ZBED3: variants seen among roughly 807,000 people sequenced by gnomAD.
ZBED3 encodes zinc finger BED domain-containing protein 3.
For synonymous variants in ZBED3, 175 were observed against 180.0 expected, an observed-to-expected ratio of 0.97 and a Z score of 0.22; for missense variants, 388 against 362.9, an observed-to-expected ratio of 1.07 and a Z score of -0.56.
At chr5:77,085,855 T>C (rs2150743509) in intron 1 of ZBED3, among the ~76,000 whole-genome samples, 1 of 152,316 alleles carries the variant, frequency 6.6e-6, no homozygotes, top group East Asian at 1.9e-4. Flanking sequence ...GCCTCCAAAC[T>C]GTAAAACCTG....
Position 77,076,003 on chromosome 5 carries a change from A to ATATATG in ZBED3, c.*1170_*1171insCATATA, listed in dbSNP as rs1742986584. 1 of 55,832 alleles carries ATATATG rather than the reference A, an allele frequency of 1.8e-5. No individual in the cohort carries two copies. Among genetic ancestry groups the ATATATG allele is most frequent in the Non-Finnish European group, 4.1e-5 (1 of 24,356 alleles). 3.5% of individuals were successfully genotyped at this position (55,832 alleles called of 1,614,324 possible). On this transcript the variant is annotated 3_prime_UTR_variant, in exon 3 of 3. Transcript: ENST00000255198. ...TATGTATATATATATGTATATATGT[A>ATATATG]TATATATATGTATATATGTATATAT...
At chr5:77,081,018 G>A (rs1743118244) in intron 1 of ZBED3, among the ~76,000 whole-genome samples, 1 of 152,070 alleles carries the variant, frequency 6.6e-6, no homozygotes, top group South Asian at 2.1e-4. Context: ...AGCCACAACC[G>A]TAACACACAA....
Position 77,077,862 on chromosome 5 carries a change from G to T in ZBED3, c.17C>A (p.Pro6Gln), listed in dbSNP as rs1265378384. ...GCGGGCCTGGTCCATGGTGCAGGCC[G>T]GCTCGCCACTCCTCATTCTGCGGCG... MRSGE[P>Q]ACTMDQARGL... Residue 6 changes from proline (P) to glutamine (Q), a missense_variant, in exon 3 of 3, where the codon CCG (proline) becomes CAG (glutamine). By Grantham distance (76) the Pro-to-Gln change is moderately conservative. Coordinates refer to ENST00000255198, the MANE Select transcript of ZBED3 (RefSeq NM_032367.4). 1.6e-6 allele frequency: 2 copies of T among 1,261,784 alleles called. No individual in the cohort carries two copies. The highest frequency in any genetic ancestry group is 2.0e-6 in the Non-Finnish European group (2 of 1,006,656). 78.2% of individuals were successfully genotyped at this position (1,261,784 alleles called of 1,614,324 possible). A position where few individuals can be genotyped will look rare whatever the true frequency, so the allele number is the denominator to read the frequency against.
rs181348376 is a variant in ZBED3, at chr5:77,077,082, G to A, written c.*92C>T. On this transcript the variant is annotated 3_prime_UTR_variant, in exon 3 of 3. Coordinates refer to ENST00000255198, the MANE Select transcript of ZBED3 (RefSeq NM_032367.4). ...CCGAGTGAGTAGCGGCTGCGGGCCTGGCTTCGGTTACGGCTTCGGTCCCAG... is the reference window on the plus strand; with the variant it reads ...CCGAGTGAGTAGCGGCTGCGGGCCTAGCTTCGGTTACGGCTTCGGTCCCAG... The A allele has an allele frequency of 2.1e-4, 214 of 1,001,994 alleles. 2 individuals are homozygous for A. The African/African-American group carries it at 3.3e-3, about 15-fold the overall frequency. The allele number at this position is 1,001,994 out of a possible 1,614,324, so 62.1% of individuals were successfully genotyped here.
At chr5:77,085,188 T>G (rs1743212641) in intron 1 of ZBED3, among the ~76,000 whole-genome samples, 1 of 152,188 alleles carries the variant, frequency 6.6e-6, no homozygotes, top group South Asian at 2.1e-4. Flanking sequence ...TCAGATTAAA[T>G]CCCAGATTCC....
At chr5:77,082,577 G>T (rs1183660322) in intron 1 of ZBED3, among the ~76,000 whole-genome samples, 3 of 152,208 alleles carry the variant, frequency 2.0e-5, no homozygotes, top group Non-Finnish European at 4.4e-5. Context: ...AAAGAGAGAT[G>T]CAGAAGAGTG....
chr5:77,081,598 C>A (rs756487206), intron 1 of ZBED3, among the ~76,000 whole-genome samples: 3 of 152,098 alleles, frequency 2.0e-5, no homozygotes, highest in Non-Finnish European at 4.4e-5. Context: ...GATACACCTG[C>A]CTCGGCCTCC....
In ZBED3 at chr5:77,074,661, C is replaced by G. The variant is rs1742939928; in HGVS notation, c.*2513G>C. The G allele has an allele frequency of 6.6e-6, 1 of 152,106 alleles. No homozygotes were observed. The highest frequency in any genetic ancestry group is 1.5e-5 in the Non-Finnish European group (1 of 68,048). 9.4% of individuals were successfully genotyped at this position (152,106 alleles called of 1,614,324 possible). A position where few individuals can be genotyped will look rare whatever the true frequency, so the allele number is the denominator to read the frequency against. The stretch of plus-strand genomic sequence containing the variant: ...TTAATGTCACTAATTCCAGTCAATT[C>G]CATTAACTGGAATTAATTAGTTGGA... On this transcript the variant is annotated 3_prime_UTR_variant, in exon 3 of 3. Transcript: ENST00000255198.
Position 77,077,353 on chromosome 5 carries a change from G to C in ZBED3, c.526C>G (p.Arg176Gly). Residue 176 changes from arginine (R) to glycine (G), a missense_variant, in exon 3 of 3, where the codon CGC becomes GGC. Arg to Gly is a moderately radical substitution (Grantham distance 125). Transcript: ENST00000255198. ...TCCCGGCGCGCCTGGGCCGCGGCGC[G>C]CTCTTCCTCCTGCAGCGCCCTCCGC... ...RRRRALQEEE[R>G]AAAQARRELQ... 1 of 1,252,138 alleles carries C rather than the reference G, an allele frequency of 8.0e-7. No homozygotes were observed. The highest frequency in any genetic ancestry group is 1.0e-6 in the Non-Finnish European group (1 of 1,003,322). The allele number at this position is 1,252,138 out of a possible 1,614,324, so 77.6% of individuals were successfully genotyped here.
rs1209582556 is a variant in ZBED3, at chr5:77,083,587, A to G, written c.-153+3524T>C. 1.8e-4 allele frequency among the ~76,000 whole-genome samples: 28 copies of G among 152,352 alleles called. No individual in the cohort carries two copies. In the East Asian group the frequency reaches 2.7e-3, roughly 15 times the overall value. ...TGTCACTGTTGGACTCTCCGGTGTT[A>G]TATAAATTTAAGACATGAACAATAA... On this transcript the variant is annotated intron_variant, in intron 1 of 2. Transcript: ENST00000255198.
chr5:77,074,078 T>C lies in ZBED3; in HGVS notation c.*3096A>G, dbSNP rs2150738932. 6.6e-6 allele frequency: 1 copy of C among 152,256 alleles called. No homozygotes were observed. Among genetic ancestry groups the C allele is most frequent in the South Asian group, 2.1e-4 (1 of 4,820 alleles). The allele number at this position is 152,256 out of a possible 1,614,324, so 9.4% of individuals were successfully genotyped here. A position where few individuals can be genotyped will look rare whatever the true frequency, so the allele number is the denominator to read the frequency against. ...AGTGGAGGGAAGGCAAACTGAGGCA[T>C]AGAGATGCCAATACCAGGTCTTGTC... On this transcript the variant is annotated 3_prime_UTR_variant, in exon 3 of 3. Coordinates refer to ENST00000255198, the MANE Select transcript of ZBED3 (RefSeq NM_032367.4).
Position 77,077,032 on chromosome 5 carries a change from A to T in ZBED3, c.*142T>A. 1.8e-6 allele frequency: 1 copy of T among 563,562 alleles called. No individual in the cohort carries two copies. The highest frequency in any genetic ancestry group is 2.0e-5 in the African/African-American group (1 of 51,224). 34.9% of individuals were successfully genotyped at this position (563,562 alleles called of 1,614,324 possible). ...CTCAAGCTGAAGCCTTAGGGTGTGGAAGATCCTACAGTTAGCTGGAGCTTC... is the reference window on the plus strand; with the variant it reads ...CTCAAGCTGAAGCCTTAGGGTGTGGTAGATCCTACAGTTAGCTGGAGCTTC... On this transcript the variant is annotated 3_prime_UTR_variant, in exon 3 of 3. Coordinates refer to ENST00000255198, the MANE Select transcript of ZBED3 (RefSeq NM_032367.4).
Position 77,077,523 on chromosome 5 carries a change from G to C in ZBED3, c.356C>G (p.Pro119Arg). 1.7e-6 allele frequency: 2 copies of C among 1,204,904 alleles called. No individual in the cohort carries two copies. Among genetic ancestry groups the C allele is most frequent in the Non-Finnish European group, 2.1e-6 (2 of 973,730 alleles). The allele number at this position is 1,204,904 out of a possible 1,614,324, so 74.6% of individuals were successfully genotyped here. Residue 119 changes from proline (P) to arginine (R), a missense_variant, in exon 3 of 3, where the codon CCC (proline) becomes CGC (arginine). Transcript: ENST00000255198. ...GCCCTCGGGGGCCGCAGCGGGGCCG[G>C]GCGGCGGCGGGCAGGGCGCGGCAGG... ...SPPAAPCPPP[P>R]GPAAAPEGDW...
chr5:77,077,298 G>T lies in ZBED3; in HGVS notation c.581C>A (p.Ala194Glu), dbSNP rs1482365114. Residue 194 changes from alanine to glutamate, a missense_variant, in exon 3 of 3, where the codon GCG (alanine) becomes GAG (glutamate). Ala to Glu is a moderately radical substitution (Grantham distance 107). Transcript: ENST00000255198. The stretch of plus-strand genomic sequence containing the variant: ...ACGGCGGCTCACATCCCGCAGCCGC[G>T]CCTGCAGCGCCTCCCGCTCGGCCTG... ...ELQAEREALQARLRDVSRREG... is the reference protein window; with the variant it reads ...ELQAEREALQERLRDVSRREG... 9 of 1,338,214 alleles carry T rather than the reference G, an allele frequency of 6.7e-6. No homozygotes were observed. The African/African-American group carries it at 1.4e-4, about 21-fold the overall frequency. 82.9% of individuals were successfully genotyped at this position (1,338,214 alleles called of 1,614,324 possible).
At chr5:77,085,201 A>G (rs2150743282) in intron 1 of ZBED3, among the ~76,000 whole-genome samples, 1 of 152,374 alleles carries the variant, frequency 6.6e-6, no homozygotes, top group South Asian at 2.1e-4. Flanking sequence ...CAGATTCCTC[A>G]GTATGATGTC....
Position 77,076,159 on chromosome 5 carries a change from GGTTAAGTCTTTCTTTTCA to G in ZBED3, c.*997_*1014del, listed in dbSNP as rs1742999984. The G allele has an allele frequency of 6.6e-6, 1 of 150,422 alleles. No individual in the cohort carries two copies. The highest frequency in any genetic ancestry group is 2.5e-5 in the African/African-American group (1 of 40,720). 9.3% of individuals were successfully genotyped at this position (150,422 alleles called of 1,614,324 possible). ...CAGCCAGGACTTGTTGGCCCTTCTG[GGTTAAGTCTTTCTTTTCA>G]GTAAGAAAGGGAGACTGCACATTGC... is the stretch of plus-strand genomic sequence containing the variant. On this transcript the variant is annotated 3_prime_UTR_variant, in exon 3 of 3. Transcript: ENST00000255198.
Position 77,077,135 on chromosome 5 carries a change from G to T in ZBED3, c.*39C>A. The T allele has an allele frequency of 7.5e-7, 1 of 1,339,636 alleles. No individual in the cohort carries two copies. Among genetic ancestry groups the T allele is most frequent in the Non-Finnish European group, 9.6e-7 (1 of 1,043,218 alleles). 83.0% of individuals were successfully genotyped at this position (1,339,636 alleles called of 1,614,324 possible). On this transcript the variant is annotated 3_prime_UTR_variant, in exon 3 of 3. Transcript: ENST00000255198. ...GGGTCTGAAGGCATTGGCATTGGAC[G>T]GAGAAGCGCTGTCCTGGGGTGGGGA... is the stretch of plus-strand genomic sequence containing the variant.
chr5:77,082,913 A>C (rs1218265114), intron 1 of ZBED3, among the ~76,000 whole-genome samples: 2 of 152,214 alleles, frequency 1.3e-5, no homozygotes, highest in African/African-American at 4.8e-5. Context: ...AGGCAGGTAG[A>C]TCACCTGAGG....
intron 1 of ZBED3, among the ~76,000 whole-genome samples, chr5:77,084,233 G>GA (rs1743188635): frequency 6.6e-6 from 1 of 152,126 alleles, no homozygotes; most frequent in African/African-American, 2.4e-5. Flanking sequence ...TGTGTGATAT[G>GA]GTTTGGCTGT....
Sources: gnomAD v4.1 joint callset for allele counts (sites outside exome capture counted in the v4.1 genomes callset) on GRCh38, gnomAD v4.1.1 for gene constraint, MANE v1.5 for transcripts, NCBI Gene and HGNC (gene_info 2026-07-23, HGNC 2026-07-21) for gene names.